Variants in CHCHD3 observed in about 807,000 individuals in gnomAD.
The protein encoded by CHCHD3 is MICOS complex subunit MIC19.
Under a neutral mutation model 38.2 loss-of-function variants are expected in CHCHD3, and 20 were observed. That is an observed-to-expected ratio of 0.52 (90% confidence interval 0.37 to 0.76). CHCHD3 has a LOEUF of 0.76. CHCHD3 is among the 30% of genes least tolerant of loss of function. The pLI is 0.00. For missense variants in CHCHD3, 245 were observed against 279.2 expected (o/e 0.88, Z 0.87); for synonymous variants, 82 against 100.0 (o/e 0.82, Z 1.07).
At chr7:132,987,954 T>A (rs1379672591) in intron 3 of CHCHD3, among the ~76,000 whole-genome samples, 1 of 152,196 alleles carries the variant, frequency 6.6e-6, no homozygotes, top group Non-Finnish European at 1.5e-5. Flanking sequence ...TTCTTGCTTA[T>A]GATTTTCTTA....
intron 2 of CHCHD3, among the ~76,000 whole-genome samples, chr7:133,053,894 A>G (rs1238937387): frequency 6.6e-6 from 1 of 152,234 alleles, no homozygotes; most frequent in Non-Finnish European, 1.5e-5. Flanking sequence ...CACACAAGAA[A>G]AGATGCTCCC....
Position 132,975,260 on chromosome 7 carries a change from C to T in CHCHD3, c.278G>A (p.Arg93Gln), listed in dbSNP as rs1290701858. ...KRLKQAKELDRERAAANEQLT... is the reference protein window; with the variant it reads ...KRLKQAKELDQERAAANEQLT... ...CTGCTCATTGGCAGCAGCCCTCTCT[C>T]GGTCCAGCTCTTTGGCTTGCTTTAG... is the stretch of plus-strand genomic sequence containing the variant. The change falls in exon 4 of 8, where the codon CGA (arginine) becomes CAA (glutamine). Residue 93 changes from arginine (R) to glutamine (Q), a missense_variant. Coordinates refer to ENST00000262570, the MANE Select transcript of CHCHD3 (RefSeq NM_017812.4). 5 of 1,613,056 alleles carry T rather than the reference C, an allele frequency of 3.1e-6. No individual in the cohort carries two copies. Among genetic ancestry groups the T allele is most frequent in the East Asian group, 2.2e-5 (1 of 44,884 alleles).
chr7:132,967,211 G>A (rs1811486775), intron 4 of CHCHD3, among the ~76,000 whole-genome samples: 1 of 152,182 alleles, frequency 6.6e-6, no homozygotes, highest in African/African-American at 2.4e-5. Flanking sequence ...TCTAAGCAGA[G>A]TTATTCCCCC....
rs190513101 is a variant in CHCHD3, at chr7:133,021,639, T to C, written c.251+2907A>G. On this transcript the variant is annotated intron_variant, in intron 3 of 7. Coordinates refer to ENST00000262570, the MANE Select transcript of CHCHD3 (RefSeq NM_017812.4). ...GACATTTTGGAATATTTCCCTGCCA[T>C]AAAATTCACCAACCTGTTTAAAATT... Among the ~76,000 whole-genome samples the C allele has an allele frequency of 8.6e-4, 131 of 152,324 alleles. 1 individual carries two copies. The highest frequency in any genetic ancestry group is 1.6e-3 in the Non-Finnish European group (110 of 68,034).
chr7:132,828,610 A>C (rs1341146571), intron 6 of CHCHD3, among the ~76,000 whole-genome samples: 1 of 152,210 alleles, frequency 6.6e-6, no homozygotes, highest in Admixed American at 6.5e-5. Flanking sequence ...ATGAGCAACA[A>C]GAATACAAGT....
At chr7:132,817,376 A>G (rs912820953) in intron 6 of CHCHD3, among the ~76,000 whole-genome samples, 1 of 152,184 alleles carries the variant, frequency 6.6e-6, no homozygotes, top group Non-Finnish European at 1.5e-5. Flanking sequence ...GAAAGTTTTT[A>G]TAGCATAAAA....
chr7:133,050,340 T>TAAAAAAAA (rs35635002), intron 2 of CHCHD3, among the ~76,000 whole-genome samples: 4 of 31,846 alleles, frequency 1.3e-4, no homozygotes, highest in Non-Finnish European at 1.9e-4. Flanking sequence ...GGCTGTGTCT[T>TAAAAAAAA]AAAAAAAAAA....
intron 4 of CHCHD3, among the ~76,000 whole-genome samples, chr7:132,920,427 AAAAT>A (rs542106038): frequency 2.1e-3 from 324 of 152,356 alleles, no homozygotes; most frequent in Non-Finnish European, 3.6e-3. Context: ...TTTGGGGAAG[AAAAT>A]AAATAGCAAT....
At chr7:132,787,116 C>T (rs1806339990) in intron 7 of CHCHD3, among the ~76,000 whole-genome samples, 1 of 152,118 alleles carries the variant, frequency 6.6e-6, no homozygotes, top group South Asian at 2.1e-4. Flanking sequence ...AGAAGCCTAG[C>T]ACACACAGAA....
At chr7:132,988,179 C>A (rs2117364076) in intron 3 of CHCHD3, among the ~76,000 whole-genome samples, 1 of 152,086 alleles carries the variant, frequency 6.6e-6, no homozygotes, top group Non-Finnish European at 1.5e-5. Flanking sequence ...ATTCAAGGGT[C>A]ATAAGAAACT....
intron 5 of CHCHD3, among the ~76,000 whole-genome samples, chr7:132,847,874 C>A (rs1315207391): frequency 6.6e-6 from 1 of 152,118 alleles, no homozygotes; most frequent in African/African-American, 2.4e-5. Context: ...CTTGTCAGTT[C>A]TTTTATAGAA....
intron 5 of CHCHD3, among the ~76,000 whole-genome samples, chr7:132,865,089 C>T (rs184750573): frequency 1.3e-5 from 2 of 152,214 alleles, no homozygotes; most frequent in African/African-American, 4.8e-5. Context: ...AAAATTATGC[C>T]AAACATACTG....
chr7:133,009,401 A>C (rs1416354213), intron 3 of CHCHD3, among the ~76,000 whole-genome samples: 2 of 150,240 alleles, frequency 1.3e-5, no homozygotes, highest in Non-Finnish European at 3.0e-5. Flanking sequence ...GAACACACTG[A>C]AACTCAGAAC....
intron 1 of CHCHD3, among the ~76,000 whole-genome samples, chr7:133,077,831 T>C (rs1482078678): frequency 6.6e-6 from 1 of 152,086 alleles, no homozygotes; most frequent in Non-Finnish European, 1.5e-5. Context: ...TGTAAAAATA[T>C]AGGTTACTTT....
chr7:132,922,954 T>C (rs922227710), intron 4 of CHCHD3, among the ~76,000 whole-genome samples: 2 of 152,212 alleles, frequency 1.3e-5, no homozygotes, highest in African/African-American at 4.8e-5. Context: ...AAAACTTACA[T>C]GTACAATCAT....
At position 132,796,483 on chromosome 7, in the gene CHCHD3, G is replaced by C; in HGVS notation, c.619C>G (p.Leu207Val). 1 of 1,613,948 alleles carries C rather than the reference G, an allele frequency of 6.2e-7. No homozygotes were observed. Among genetic ancestry groups the C allele is most frequent in the Non-Finnish European group, 8.5e-7 (1 of 1,179,892 alleles). ...NTHQTLKCSA[L>V]ATQYMHCVNH... ...ACACAGTGCATATACTGGGTGGCCA[G>C]AGCGGAGCATTTGAGGGTCTGGTGG... Residue 207 changes from leucine to valine, a missense_variant, in exon 7 of 8, where the codon CTG (leucine) becomes GTG (valine). Leu to Val is a conservative substitution (Grantham distance 32). Coordinates refer to ENST00000262570, the MANE Select transcript of CHCHD3 (RefSeq NM_017812.4).
chr7:132,814,313 A>G (rs1807146297), intron 6 of CHCHD3, among the ~76,000 whole-genome samples: 2 of 152,180 alleles, frequency 1.3e-5, no homozygotes, highest in Non-Finnish European at 2.9e-5. Flanking sequence ...AATGTTGGGT[A>G]ACATTTCAGT....
chr7:132,858,188 G>A (rs1448125113), intron 5 of CHCHD3, among the ~76,000 whole-genome samples: 5 of 152,042 alleles, frequency 3.3e-5, no homozygotes, highest in Middle Eastern at 3.4e-3. Context: ...TCAGCCTCCC[G>A]AGTAGCTAGG....
intron 1 of CHCHD3, among the ~76,000 whole-genome samples, chr7:133,076,608 A>G (rs1309941994): frequency 6.6e-6 from 1 of 152,200 alleles, no homozygotes. Flanking sequence ...GCCATGTGTC[A>G]TCTCCTACAG....
Sources: allele counts gnomAD v4.1 joint callset (sites outside exome capture counted in the v4.1 genomes callset), GRCh38; gene constraint gnomAD v4.1.1; transcripts MANE v1.5; gene names NCBI Gene and HGNC (gene_info 2026-07-23, HGNC 2026-07-21).